Variants in BNIP2 observed in about 807,000 individuals in gnomAD.
The protein encoded by BNIP2 is BCL2/adenovirus E1B 19 kDa protein-interacting protein 2.
In BNIP2, 36 loss-of-function variants were observed where a neutral mutation model predicts 43.4. The observed-to-expected ratio is 0.83, with a 90% CI of 0.64 to 1.10. The LOEUF is 1.10. Among genes scored for constraint, BNIP2 ranks in the 50% least tolerant of loss-of-function variants. The pLI is 0.00. For missense variants in BNIP2, 417 were observed against 374.1 expected (o/e 1.11, Z -0.95); for synonymous variants, 146 against 121.0 (o/e 1.21, Z -1.35).
intron 6 of BNIP2, among the ~76,000 whole-genome samples, chr15:59,671,776 G>A (rs1298672182): frequency 1.3e-5 from 2 of 152,132 alleles, no homozygotes; most frequent in African/African-American, 4.8e-5. Flanking sequence ...ATGATTTTGA[G>A]ACAAAAATCA....
At chr15:59,684,392 C>A (rs1355361713) in intron 1 of BNIP2, among the ~76,000 whole-genome samples, 3 of 152,140 alleles carry the variant, frequency 2.0e-5, no homozygotes, top group African/African-American at 7.2e-5. Flanking sequence ...TTAAAATAAT[C>A]TTTACTTATT....
At chr15:59,667,311 C>T (rs1295508978) in intron 9 of BNIP2, among the ~76,000 whole-genome samples, 1 of 152,188 alleles carries the variant, frequency 6.6e-6, no homozygotes, top group Non-Finnish European at 1.5e-5. Context: ...ATATAAATCT[C>T]TCACCGTAAC....
At chr15:59,682,299 C>A (rs1893733695) in intron 2 of BNIP2, 109 bp downstream of exon 2, 7 of 928,166 alleles carry the variant, frequency 7.5e-6, no homozygotes, top group Non-Finnish European at 8.1e-6. Context: ...TGCACTCCAG[C>A]CTGGGCAACA....
At position 59,661,458 on chromosome 15, in the gene BNIP2, T is replaced by C. The variant is rs1462808956; in HGVS notation, c.*2611A>G. On this transcript the variant is annotated 3_prime_UTR_variant, in exon 10 of 10. Coordinates refer to ENST00000607373, the MANE Select transcript of BNIP2 (RefSeq NM_004330.4). ...TTTTATCACTTTCCAATGCCTCTGC[T>C]AGACCCTACTTAGAATCATATTTCT... 3 of 152,218 alleles carry C rather than the reference T, an allele frequency of 2.0e-5. No individual in the cohort carries two copies. The South Asian group carries it at 6.2e-4, about 32-fold the overall frequency. 9.4% of individuals were successfully genotyped at this position (152,218 alleles called of 1,614,324 possible). A position where few individuals can be genotyped will look rare whatever the true frequency, so the allele number is the denominator to read the frequency against.
At chr15:59,687,530 T>A (rs969658338) in intron 1 of BNIP2, among the ~76,000 whole-genome samples, 1 of 152,066 alleles carries the variant, frequency 6.6e-6, no homozygotes, top group Admixed American at 6.6e-5. Flanking sequence ...TTTTGTATTT[T>A]TAGTAGAGAT....
intron 9 of BNIP2, 121 bp downstream of exon 9, chr15:59,668,771 C>CAA (rs1227152364): frequency 2.4e-6 from 2 of 817,234 alleles, no homozygotes; most frequent in Non-Finnish European, 3.7e-6. Flanking sequence ...CACACACACA[C>CAA]ACGCGCGCGC....
intron 9 of BNIP2, 199 bp downstream of exon 9, chr15:59,668,693 C>T (rs1046597383): frequency 4.1e-6 from 2 of 492,240 alleles, no homozygotes; most frequent in East Asian, 6.6e-5. Context: ...CAACTGACAG[C>T]CTGAAGAAAA....
intron 5 of BNIP2, among the ~76,000 whole-genome samples, chr15:59,675,471 A>T (rs1013450838): frequency 6.9e-6 from 1 of 145,622 alleles, no homozygotes. Flanking sequence ...TTAGCTGGGC[A>T]TGGTGGCGTG....
intron 5 of BNIP2, chr15:59,676,897 G>C: frequency 1.2e-6 from 2 of 1,600,762 alleles, no homozygotes; most frequent in South Asian, 2.2e-5. Flanking sequence ...TCACCTGCAC[G>C]GTGTGGCTGG....
intron 1 of BNIP2, chr15:59,688,910 CTGCCAAAT>C: frequency 6.8e-7 from 1 of 1,464,652 alleles, no homozygotes; most frequent in South Asian, 1.4e-5. Context: ...GGGGGCCAAA[CTGCCAAAT>C]ACAAACAGGA....
intron 4 of BNIP2, chr15:59,679,377 C>A: frequency 2.4e-6 from 1 of 411,602 alleles, no homozygotes; most frequent in Non-Finnish European, 4.2e-6. Flanking sequence ...TTTGAAACAG[C>A]TATGAAAAAA....
At chr15:59,683,409 TA>T (rs1413693526) in intron 1 of BNIP2, among the ~76,000 whole-genome samples, 2 of 152,260 alleles carry the variant, frequency 1.3e-5, no homozygotes, top group African/African-American at 2.4e-5. Flanking sequence ...AATAGATGTC[TA>T]AAGTTATTCA....
At chr15:59,676,906 G>C in intron 5 of BNIP2, 2 of 1,602,566 alleles carry the variant, frequency 1.2e-6, no homozygotes, top group Non-Finnish European at 1.7e-6. Context: ...CGGTGTGGCT[G>C]GCAGCCTACG....
chr15:59,688,122 C>T (rs149920060), intron 1 of BNIP2, among the ~76,000 whole-genome samples: 145 of 152,250 alleles, frequency 9.5e-4, no homozygotes, highest in African/African-American at 3.3e-3. Flanking sequence ...CAGTATTAGG[C>T]TGCACTAGAG....
chr15:59,669,746 T>C (rs1892786561), intron 7 of BNIP2, among the ~76,000 whole-genome samples: 1 of 152,214 alleles, frequency 6.6e-6, no homozygotes, highest in African/African-American at 2.4e-5. Flanking sequence ...TGAAAAGCAC[T>C]GTGCAGGCAG....
chr15:59,674,857 T>C (rs1326129430), intron 5 of BNIP2, among the ~76,000 whole-genome samples: 4 of 152,228 alleles, frequency 2.6e-5, no homozygotes, highest in Admixed American at 2.6e-4. Flanking sequence ...GCTTTTCCTA[T>C]TTCTTAAGGG....
intron 9 of BNIP2, among the ~76,000 whole-genome samples, chr15:59,666,226 C>T (rs1892559033): frequency 6.6e-6 from 1 of 152,108 alleles, no homozygotes. Flanking sequence ...CCCACAAGCC[C>T]CTCAAGAAAA....
rs761850244 is a variant in BNIP2, at chr15:59,681,876, G to C, written c.50+532C>G. ...CACACTAAAACACTTTATTATAAAA[G>C]CAAAAATTTGCAAACTTAAGTGACC... On this transcript the variant is annotated intron_variant, in intron 2 of 9. Coordinates refer to ENST00000607373, the MANE Select transcript of BNIP2 (RefSeq NM_004330.4). Among the ~76,000 whole-genome samples, 4 of 152,152 alleles carry C rather than the reference G, an allele frequency of 2.6e-5. No homozygotes were observed. In the East Asian group the frequency reaches 7.7e-4, roughly 29 times the overall value.
chr15:59,680,974 T>C lies in BNIP2; in HGVS notation c.51-666A>G, dbSNP rs546209294. Among the ~76,000 whole-genome samples the C allele has an allele frequency of 4.3e-4, 65 of 152,332 alleles. 2 individuals carry two copies. In the Middle Eastern group the frequency reaches 0.01, roughly 24 times the overall value. On this transcript the variant is annotated intron_variant, in intron 2 of 9. Transcript: ENST00000607373. ...TATATAAGTAACACATAAAAGTAGA[T>C]ATAAATTCCTTATGCAACAGCTCTT...
Sources: allele counts gnomAD v4.1 joint callset (sites outside exome capture counted in the v4.1 genomes callset), GRCh38; gene constraint gnomAD v4.1.1; transcripts MANE v1.5; gene names NCBI Gene and HGNC (gene_info 2026-07-23, HGNC 2026-07-21).